The following NDST3 variants were observed in gnomAD, a reference collection of about 807,000 sequenced individuals.
NDST3 encodes the protein N-deacetylase and N-sulfotransferase 3, also known as bifunctional heparan sulfate N-deacetylase/N-sulfotransferase 3.
In NDST3, 58 loss-of-function variants were observed where a neutral mutation model predicts 96.1. The ratio of observed to expected loss-of-function variants is 0.60; its 90% CI spans 0.49 to 0.75. NDST3 has a LOEUF of 0.75. NDST3 is among the 30% of genes least tolerant of loss of function. The probability of loss-of-function intolerance (pLI) is 0.00; values close to 1 mark genes in which losing one functional copy is unlikely to be tolerated. For synonymous variants in NDST3, 333 were observed against 359.7 expected (o/e 0.93, Z 0.84); for missense variants, 788 against 1,034.2 (o/e 0.76, Z 3.27).
intron 8 of NDST3, among the ~76,000 whole-genome samples, chr4:118,231,823 C>T (rs994933317): frequency 6.6e-6 from 1 of 152,278 alleles, no homozygotes; most frequent in Admixed American, 6.5e-5. Flanking sequence ...TGAACCCAAA[C>T]TGCCTTACTT....
At chr4:118,097,159 C>T (rs1380401424) in intron 2 of NDST3, among the ~76,000 whole-genome samples, 1 of 151,946 alleles carries the variant, frequency 6.6e-6, no homozygotes, top group Non-Finnish European at 1.5e-5. Context: ...ATTATCTGGG[C>T]ACCCCATAGC....
chr4:118,184,052 G>A (rs1183436794), intron 6 of NDST3, among the ~76,000 whole-genome samples: 2 of 152,196 alleles, frequency 1.3e-5, no homozygotes, highest in African/African-American at 4.8e-5. Flanking sequence ...TAGTTTTACA[G>A]AGTCTCACTT....
chr4:118,143,294 C>T (rs942470257), intron 5 of NDST3, among the ~76,000 whole-genome samples: 1 of 152,012 alleles, frequency 6.6e-6, no homozygotes, highest in African/African-American at 2.4e-5. Context: ...AAGAAGTACT[C>T]ACTTTGATAT....
At chr4:118,088,551 T>A (rs1369480834) in intron 2 of NDST3, among the ~76,000 whole-genome samples, 1 of 152,040 alleles carries the variant, frequency 6.6e-6, no homozygotes, top group Non-Finnish European at 1.5e-5. Flanking sequence ...ACTTCACTCC[T>A]AGTCTAGTCA....
chr4:118,132,245 T>C (rs772866071), intron 4 of NDST3, among the ~76,000 whole-genome samples: 11 of 152,156 alleles, frequency 7.2e-5, no homozygotes, highest in Non-Finnish European at 1.2e-4. Flanking sequence ...TGACATTCTG[T>C]TCTACTATGG....
At chr4:118,199,758 T>C (rs140172340) in intron 6 of NDST3, among the ~76,000 whole-genome samples, 1 of 152,328 alleles carries the variant, frequency 6.6e-6, no homozygotes, top group East Asian at 1.9e-4. Flanking sequence ...AAGCTATATC[T>C]GCTTTAGAGA....
At chr4:118,078,117 C>T (rs1346255953) in intron 2 of NDST3, among the ~76,000 whole-genome samples, 1 of 152,154 alleles carries the variant, frequency 6.6e-6, no homozygotes, top group African/African-American at 2.4e-5. Context: ...GGGGCTCTCA[C>T]TCACTTGCCT....
rs557432281 is a variant in NDST3 at position 118,050,419 on chromosome 4, G to C, written c.-155-3337G>C. Among the ~76,000 whole-genome samples the C allele has an allele frequency of 9.9e-5, 15 of 152,142 alleles. No homozygotes were observed. The South Asian group carries it at 2.9e-3, about 29-fold the overall frequency. On this transcript the variant is annotated intron_variant, in intron 1 of 13. Transcript: ENST00000296499. ...GAAATAAAGCATCCAAATAGAAAAAGAAGTCAAACTATCTCTCTTTGCTGA... is the reference window on the plus strand; with the variant it reads ...GAAATAAAGCATCCAAATAGAAAAACAAGTCAAACTATCTCTCTTTGCTGA...
chr4:118,165,237 T>C (rs1429977207), intron 6 of NDST3, among the ~76,000 whole-genome samples: 1 of 152,002 alleles, frequency 6.6e-6, no homozygotes, highest in South Asian at 2.1e-4. Flanking sequence ...CATGGAAAAT[T>C]TATTCCATCC....
chr4:118,172,331 G>A (rs1342062069), intron 6 of NDST3, among the ~76,000 whole-genome samples: 1 of 152,098 alleles, frequency 6.6e-6, no homozygotes, highest in African/African-American at 2.4e-5. Context: ...CACTTCTAGG[G>A]ATGTCTCCTA....
chr4:118,158,738 C>A (rs186815144), intron 6 of NDST3, among the ~76,000 whole-genome samples: 2 of 152,216 alleles, frequency 1.3e-5, no homozygotes, highest in Admixed American at 1.3e-4. Context: ...TTAACATCAC[C>A]AAAGGTGGAG....
At chr4:118,124,633 C>T (rs959427629) in intron 4 of NDST3, among the ~76,000 whole-genome samples, 4 of 151,958 alleles carry the variant, frequency 2.6e-5, no homozygotes, top group African/African-American at 7.3e-5. Flanking sequence ...CCCTAGGATT[C>T]CTGGTACAAG....
At chr4:118,145,832 T>G (rs565831983) in intron 6 of NDST3, among the ~76,000 whole-genome samples, 61 of 152,292 alleles carry the variant, frequency 4.0e-4, no homozygotes, top group African/African-American at 1.4e-3. Context: ...ATGACAAATC[T>G]TGTCAGATGC....
At chr4:118,113,087 C>A (rs923272719) in intron 3 of NDST3, among the ~76,000 whole-genome samples, 10 of 152,034 alleles carry the variant, frequency 6.6e-5, no homozygotes, top group African/African-American at 2.2e-4. Flanking sequence ...TTATAAGTTA[C>A]CCAATATTGC....
At chr4:118,181,402 T>C (rs1273905474) in intron 6 of NDST3, among the ~76,000 whole-genome samples, 2 of 152,068 alleles carry the variant, frequency 1.3e-5, no homozygotes, top group African/African-American at 2.4e-5. Context: ...TTTGAGATCT[T>C]GTTTTCCAAA....
intron 9 of NDST3, among the ~76,000 whole-genome samples, chr4:118,236,048 G>A (rs1488182386): frequency 6.6e-6 from 1 of 151,996 alleles, no homozygotes. Context: ...AAAAAAACAG[G>A]TCATTGCATG....
At chr4:118,055,895 G>T (rs569793723) in intron 2 of NDST3, among the ~76,000 whole-genome samples, 2 of 151,968 alleles carry the variant, frequency 1.3e-5, no homozygotes, top group South Asian at 2.1e-4. Context: ...AGTTAAGTGG[G>T]CTAAGAATAC....
At chr4:118,249,979 T>C (rs941662241) in intron 12 of NDST3, among the ~76,000 whole-genome samples, 3 of 152,252 alleles carry the variant, frequency 2.0e-5, no homozygotes, top group Non-Finnish European at 2.9e-5. Context: ...ATCAAGCTAC[T>C]TTCTTTCACT....
At chr4:118,252,029 G>T (rs1247453855) in intron 12 of NDST3, among the ~76,000 whole-genome samples, 1 of 152,002 alleles carries the variant, frequency 6.6e-6, no homozygotes, top group Non-Finnish European at 1.5e-5. Context: ...GATATTTCAG[G>T]TTTTCACATT....
Sources: allele counts gnomAD v4.1 joint callset (sites outside exome capture counted in the v4.1 genomes callset), GRCh38; gene constraint gnomAD v4.1.1; transcripts MANE v1.5; gene names NCBI Gene and HGNC (gene_info 2026-07-23, HGNC 2026-07-21).